Variants in RBFOX1 observed in about 807,000 individuals in gnomAD.
RBFOX1 encodes the protein RNA binding protein fox-1 homolog 1.
A neutral mutation model predicts 57.7 loss-of-function variants in RBFOX1; 8 were observed. That is an observed-to-expected ratio of 0.14 (90% CI 0.08 to 0.25). The LOEUF (loss-of-function observed/expected upper bound fraction) is 0.25. Among genes scored for constraint, RBFOX1 ranks in the 10% least tolerant of loss-of-function variants. The pLI is 1.00. For missense variants in RBFOX1, 611 were observed against 548.5 expected (o/e 1.11, Z -1.14); for synonymous variants, 326 against 222.4 (o/e 1.47, Z -4.15).
At chr16:7,054,161 C>T (rs529646573) in intron 4 of RBFOX1, among the ~76,000 whole-genome samples, 69 of 131,778 alleles carry the variant, frequency 5.2e-4, no homozygotes, top group Admixed American at 1.2e-3. Flanking sequence ...TCTGTAAGAG[C>T]CCTTCCATCA....
chr16:5,600,674 C>T (rs548084458), downstream of RBFOX1, among the ~76,000 whole-genome samples: 2 of 152,042 alleles, frequency 1.3e-5, no homozygotes, highest in African/African-American at 4.8e-5. Flanking sequence ...TGGTGCTTGT[C>T]TATTCCCCCA....
intron 3 of RBFOX1, among the ~76,000 whole-genome samples, chr16:6,923,085 C>G (rs1300704012): frequency 6.6e-6 from 1 of 152,136 alleles, no homozygotes; most frequent in African/African-American, 2.4e-5. Context: ...CCCCTAAGCC[C>G]AGAAGGCAAT....
At chr16:5,463,799 A>AC (rs2068869342) in intron 1 of RBFOX1, among the ~76,000 whole-genome samples, 2 of 128,778 alleles carry the variant, frequency 1.6e-5, no homozygotes, top group Admixed American at 1.5e-4. Context: ...GACTGTCTCG[A>AC]AAAAAAAAAA....
In RBFOX1 at chr16:5,767,397, A is replaced by G. The variant is rs555865122; in HGVS notation, c.319-99906A>G. On this transcript the variant is annotated intron_variant, in intron 3 of 19. Transcript: ENST00000641259. ...TTCATTAACTGAGAGAAACCACGCTATGGGAGTGAAGGTTGGTAGCTGAAT... is the reference window on the plus strand; with the variant it reads ...TTCATTAACTGAGAGAAACCACGCTGTGGGAGTGAAGGTTGGTAGCTGAAT... Among the ~76,000 whole-genome samples, 6 of 152,304 alleles carry G rather than the reference A, an allele frequency of 3.9e-5. No individual in the cohort carries two copies. In the South Asian group the frequency reaches 6.2e-4, roughly 16 times the overall value.
intron 3 of RBFOX1, among the ~76,000 whole-genome samples, chr16:5,613,924 C>CTT (rs59357758): frequency 2.1e-5 from 3 of 143,804 alleles, no homozygotes; most frequent in South Asian, 2.2e-4. Flanking sequence ...TTTCCTTGGA[C>CTT]TTTTTTTTTT....
At chr16:6,793,845 G>A (rs1275193762) in intron 3 of RBFOX1, among the ~76,000 whole-genome samples, 1 of 152,078 alleles carries the variant, frequency 6.6e-6, no homozygotes, top group African/African-American at 2.4e-5. Flanking sequence ...TTAAAGTGGA[G>A]GTCTGGTATA....
intron 1 of RBFOX1, among the ~76,000 whole-genome samples, chr16:5,395,332 C>T (rs961564008): frequency 5.3e-5 from 8 of 152,242 alleles, no homozygotes; most frequent in Admixed American, 2.6e-4. Flanking sequence ...TTCTTGCCAA[C>T]TTGGATCGGA....
chr16:7,457,577 G>A (rs946500796), intron 4 of RBFOX1, among the ~76,000 whole-genome samples: 1 of 152,146 alleles, frequency 6.6e-6, no homozygotes, highest in South Asian at 2.1e-4. Context: ...TTGATGCTCT[G>A]TTCCTTCTTC....
rs144090787 is a variant in RBFOX1, at chr16:5,780,484, C to G, written c.319-86819C>G. Among the ~76,000 whole-genome samples the G allele has an allele frequency of 4.4e-3, 666 of 152,198 alleles. 5 individuals carry two copies. Among genetic ancestry groups the G allele is most frequent in the African/African-American group, 0.015 (629 of 41,528 alleles). ...AATGAATATGAGATAAAGATAAAAT[C>G]ATAATATCACGTTGTATACCATAGA... On this transcript the variant is annotated intron_variant, in intron 3 of 19. Transcript: ENST00000641259.
At position 5,564,737 on chromosome 16, in the gene RBFOX1, T is replaced by A. The variant is rs142355109; in HGVS notation, c.259-34165T>A. Among the ~76,000 whole-genome samples the A allele has an allele frequency of 7.9e-5, 12 of 152,272 alleles. No individual in the cohort carries two copies. The East Asian group carries it at 2.3e-3, about 29-fold the overall frequency. ...ATTCATTCTTATCTTTGAACAGTATTTATTGAGTGCATATCAAGTTCATCA... is the reference window on the plus strand; with the variant it reads ...ATTCATTCTTATCTTTGAACAGTATATATTGAGTGCATATCAAGTTCATCA... On this transcript the variant is annotated intron_variant, in intron 2 of 2. Transcript: ENST00000585867.
chr16:6,826,024 C>G (rs1234443081), intron 3 of RBFOX1, among the ~76,000 whole-genome samples: 1 of 152,124 alleles, frequency 6.6e-6, no homozygotes, highest in Non-Finnish European at 1.5e-5. Context: ...CCGACCACAT[C>G]GTGGTGATGT....
chr16:5,528,720 G>A (rs2044344159), intron 2 of RBFOX1, among the ~76,000 whole-genome samples: 1 of 151,158 alleles, frequency 6.6e-6, no homozygotes. Context: ...CGCAATCTCG[G>A]CTCACTGCAA....
intron 1 of RBFOX1, among the ~76,000 whole-genome samples, chr16:6,100,296 G>A (rs1451776098): frequency 2.0e-5 from 3 of 152,116 alleles, no homozygotes; most frequent in African/African-American, 7.2e-5. Context: ...CCGAGGAGCT[G>A]GGACTACAGG....
At chr16:6,315,076 C>T (rs1014218416) in intron 1 of RBFOX1, among the ~76,000 whole-genome samples, 1 of 152,226 alleles carries the variant, frequency 6.6e-6, no homozygotes, top group Non-Finnish European at 1.5e-5. Context: ...TTAAAAAGCA[C>T]CGACTTTGTG....
intron 1 of RBFOX1, among the ~76,000 whole-genome samples, chr16:6,100,275 G>C (rs112083856): frequency 0.2 from 31,128 of 151,954 alleles, 3,494 homozygotes; most frequent in South Asian, 0.27. Flanking sequence ...CCATTCTCCT[G>C]CCTCAGCCTC....
rs117090186 is a variant in RBFOX1 at position 5,334,067 on chromosome 16, T to C, written c.219+93962T>C. Among the ~76,000 whole-genome samples the C allele has an allele frequency of 4.5e-3, 673 of 150,830 alleles. 14 individuals carry two copies. The East Asian group carries it at 0.052, about 12-fold the overall frequency. On this transcript the variant is annotated intron_variant, in intron 1 of 2. Transcript: ENST00000585867. ...GCTTCTGGCCGATTTCTGTCAGGAG[T>C]ACTCTTTCTTACAGACTAAGAGTAT...
intron 3 of RBFOX1, among the ~76,000 whole-genome samples, chr16:5,737,824 A>T (rs1383005254): frequency 6.6e-6 from 1 of 152,150 alleles, no homozygotes; most frequent in East Asian, 1.9e-4. Flanking sequence ...CTGGTTTTAA[A>T]AATTTGTTTC....
chr16:5,903,134 G>C (rs920209982), intron 4 of RBFOX1, among the ~76,000 whole-genome samples: 1 of 152,068 alleles, frequency 6.6e-6, no homozygotes, highest in Non-Finnish European at 1.5e-5. Flanking sequence ...GTGTATGTGA[G>C]TGTGTATGTA....
At chr16:6,706,631 G>A (rs1188917361) in intron 3 of RBFOX1, among the ~76,000 whole-genome samples, 2 of 151,952 alleles carry the variant, frequency 1.3e-5, no homozygotes, top group African/African-American at 4.8e-5. Context: ...TGCCAACACT[G>A]GCCTTTCTGA....
Sources: allele counts gnomAD v4.1 joint callset (sites outside exome capture counted in the v4.1 genomes callset), GRCh38; gene constraint gnomAD v4.1.1; transcripts MANE v1.5; gene names NCBI Gene and HGNC (gene_info 2026-07-23, HGNC 2026-07-21).